Variants in PFKP observed in about 807,000 individuals in gnomAD.
PFKP encodes ATP-dependent 6-phosphofructokinase, platelet type.
PFKP carries 101 observed loss-of-function variants against 94.3 expected under a neutral mutation model. The observed-to-expected ratio is 1.07, with a 90% CI of 0.91 to 1.26. The LOEUF is 1.26. Ranked by LOEUF, PFKP falls within the 50% of genes most tolerant of loss-of-function variation. The probability of loss-of-function intolerance (pLI) is 0.00; values close to 1 mark genes in which losing one functional copy is unlikely to be tolerated. For synonymous variants in PFKP, 573 were observed against 432.6 expected (o/e 1.32, Z -4.03); for missense variants, 1,145 against 1,103.3 (o/e 1.04, Z -0.53).
intron 2 of PFKP, among the ~76,000 whole-genome samples, chr10:3,091,308 A>C (rs1834022054): frequency 6.6e-6 from 1 of 152,100 alleles, no homozygotes; most frequent in Non-Finnish European, 1.5e-5. Context: ...CTTTGACCCA[A>C]AGGCCATGCC....
intron 16 of PFKP, 143 bp downstream of exon 16, chr10:3,120,187 A>G: frequency 1.4e-6 from 1 of 726,376 alleles, no homozygotes; most frequent in Non-Finnish European, 2.2e-6. Flanking sequence ...TCCCCCAGAA[A>G]AGTATGTTTT....
At chr10:3,094,230 C>A (rs1043487843) in intron 2 of PFKP, among the ~76,000 whole-genome samples, 1 of 152,206 alleles carries the variant, frequency 6.6e-6, no homozygotes, top group South Asian at 2.1e-4. Flanking sequence ...ACCGGCCTCG[C>A]TCCTGCTGGG....
intron 15 of PFKP, among the ~76,000 whole-genome samples, chr10:3,119,288 T>A (rs1837147815): frequency 6.6e-6 from 1 of 152,210 alleles, no homozygotes; most frequent in Admixed American, 6.5e-5. Context: ...AGTCCCATGG[T>A]AACCTTTCCA....
chr10:3,086,499 A>G (rs1240173661), intron 2 of PFKP, among the ~76,000 whole-genome samples: 1 of 152,058 alleles, frequency 6.6e-6, no homozygotes, highest in African/African-American at 2.4e-5. Flanking sequence ...GCATTTTTTG[A>G]TTGTGCCATT....
At chr10:3,135,364 T>C (rs1159299572) in intron 20 of PFKP, among the ~76,000 whole-genome samples, 1 of 152,282 alleles carries the variant, frequency 6.6e-6, no homozygotes, top group African/African-American at 2.4e-5. Context: ...TGATTCTTTC[T>C]ACAGCGATTT....
chr10:3,099,492 C>T (rs1229804509), intron 3 of PFKP, 140 bp downstream of exon 3: 10 of 690,370 alleles, frequency 1.4e-5, no homozygotes, highest in East Asian at 1.0e-4. Flanking sequence ...CAGCTCTTTA[C>T]TTGTGGTTTG....
chr10:3,077,321 G>A (rs1360670349), intron 1 of PFKP, among the ~76,000 whole-genome samples: 4 of 140,908 alleles, frequency 2.8e-5, no homozygotes, highest in African/African-American at 1.1e-4. Flanking sequence ...GAGTGTAGTG[G>A]CGCAATCTCG....
At chr10:3,132,903 T>G (rs1333984126) in intron 18 of PFKP, among the ~76,000 whole-genome samples, 2 of 123,096 alleles carry the variant, frequency 1.6e-5, no homozygotes, top group Non-Finnish European at 3.5e-5. Context: ...ATTGACGTTC[T>G]GGGTGGGACA....
chr10:3,125,870 C>T (rs1258020262), intron 16 of PFKP, among the ~76,000 whole-genome samples: 2 of 152,226 alleles, frequency 1.3e-5, no homozygotes, highest in African/African-American at 4.8e-5. Context: ...ATGGTAGTTC[C>T]ACAGGCCTTT....
chr10:3,121,822 T>TC (rs1837453920), intron 16 of PFKP, among the ~76,000 whole-genome samples: 1 of 56,326 alleles, frequency 1.8e-5, no homozygotes, highest in Non-Finnish European at 3.7e-5. Context: ...TTTTTTTTTT[T>TC]TTTTTTTTCT....
At position 3,113,553 on chromosome 10, in the gene PFKP, C is replaced by A. The variant is rs375787395; in HGVS notation, c.1371+35C>A. On this transcript the variant is annotated intron_variant, in intron 13 of 21. Transcript: ENST00000381125. ...CCAGGATGCCGTAGGCAGGCAGACA[C>A]CCTGGCTGTGAGCACAGTGGACGTG... The A allele has an allele frequency of 1.9e-5, 30 of 1,601,154 alleles. 1 individual carries two copies. The highest frequency in any genetic ancestry group is 2.4e-5 in the Non-Finnish European group (28 of 1,175,920).
At position 3,129,867 on chromosome 10, in the gene PFKP, T is replaced by C; in HGVS notation, c.1732T>C (p.Phe578Leu). 4 of 1,613,650 alleles carry C rather than the reference T, an allele frequency of 2.5e-6. No individual in the cohort carries two copies. Among genetic ancestry groups the C allele is most frequent in the Non-Finnish European group, 3.4e-6 (4 of 1,179,968 alleles). The stretch of plus-strand genomic sequence containing the variant: ...CGCCAGCGGAACCAAGCGGCGCGTG[T>C]TCATCATCGAGACCATGGGCGGCTA... ...QSASGTKRRV[F>L]IIETMGGYCG... Residue 578 changes from phenylalanine to leucine, a missense_variant, in exon 17 of 22, where the codon TTC (phenylalanine) becomes CTC (leucine). Coordinates refer to ENST00000381125, the MANE Select transcript of PFKP (RefSeq NM_002627.5).
rs148897429 is a variant in PFKP, at chr10:3,093,600, A to G, written c.187-5675A>G. The stretch of plus-strand genomic sequence containing the variant: ...TGGAACATTGTCCAACAAAATTGAC[A>G]CATCCAGGGTGACGATAACCACAGG... On this transcript the variant is annotated intron_variant, in intron 2 of 21. Transcript: ENST00000381125. 3.7e-3 allele frequency among the ~76,000 whole-genome samples: 557 copies of G among 149,848 alleles called. 6 individuals carry two copies. The highest frequency in any genetic ancestry group is 0.012 in the African/African-American group (500 of 40,512).
intron 2 of PFKP, among the ~76,000 whole-genome samples, chr10:3,098,499 C>T (rs942210846): frequency 6.6e-6 from 1 of 151,770 alleles, no homozygotes; most frequent in African/African-American, 2.4e-5. Flanking sequence ...CAAGGTGAAG[C>T]CCCGTCTCTA....
At chr10:3,109,704 CATCT>C (rs1357392330) in intron 10 of PFKP, among the ~76,000 whole-genome samples, 1 of 152,192 alleles carries the variant, frequency 6.6e-6, no homozygotes, top group East Asian at 1.9e-4. Flanking sequence ...AGTTACCATC[CATCT>C]GTGTGGCACA....
At chr10:3,112,081 A>T (rs911577417) in intron 10 of PFKP, 141 bp from the exon 11 acceptor site, 2 of 701,792 alleles carry the variant, frequency 2.8e-6, no homozygotes, top group African/African-American at 3.5e-5. Context: ...GGTCGTCTAG[A>T]CCATTAACCC....
At chr10:3,087,455 CTG>C (rs1304680596) in intron 2 of PFKP, among the ~76,000 whole-genome samples, 2 of 152,162 alleles carry the variant, frequency 1.3e-5, no homozygotes, top group Admixed American at 6.6e-5. Context: ...GGTTCTGACT[CTG>C]AGATCTCATT....
chr10:3,100,862 C>CAAAATTAAAAA, intron 3 of PFKP: 5 of 653,976 alleles, frequency 7.6e-6, no homozygotes, highest in Non-Finnish European at 1.2e-5. Flanking sequence ...GTATGTGGTG[C>CAAAATTAAAAA]AAAAAAAAAA....
At chr10:3,131,413 G>A (rs1588572708) in intron 17 of PFKP, among the ~76,000 whole-genome samples, 1 of 152,146 alleles carries the variant, frequency 6.6e-6, no homozygotes, top group Non-Finnish European at 1.5e-5. Context: ...CCTCACCAGC[G>A]CTCAGCATGG....
Sources: allele counts gnomAD v4.1 joint callset (sites outside exome capture counted in the v4.1 genomes callset), GRCh38; gene constraint gnomAD v4.1.1; transcripts MANE v1.5; gene names NCBI Gene and HGNC (gene_info 2026-07-23, HGNC 2026-07-21).